SLC68A1: variants seen among roughly 807,000 people sequenced by gnomAD.
SLC68A1 encodes the protein major facilitator superfamily domain containing 13A.
chr10:102,472,350 CCTCCTGGGTTCAAATGATT>C, the SLC68A1 span: 2 of 261,022 alleles, frequency 7.7e-6, no homozygotes, highest in South Asian at 7.4e-5. Context: ...GCAACCTCTG[CCTCCTGGGTTCAAATGATT>C]CTCCCACCTC....
chr10:102,475,784 C>T, the SLC68A1 span: 7 of 1,613,728 alleles, frequency 4.3e-6, no homozygotes, highest in African/African-American at 8.0e-5. Context: ...CTGGCCAGAG[C>T]CCCCAGCTCC....
chr10:102,475,663 G>T, the SLC68A1 span: 5 of 1,525,082 alleles, frequency 3.3e-6, no homozygotes, highest in Non-Finnish European at 4.4e-6. Flanking sequence ...GACTTGGAGG[G>T]CACCAAGGCT....
At chr10:102,470,936 C>G in the SLC68A1 span, 1 of 1,613,468 alleles carries the variant, frequency 6.2e-7, no homozygotes, top group East Asian at 2.2e-5. Flanking sequence ...GGCCGGCTCC[C>G]TCTCTGTCTT....
At chr10:102,476,090 T>G in the SLC68A1 span, 7 of 1,296,112 alleles carry the variant, frequency 5.4e-6, no homozygotes, top group Admixed American at 1.9e-4. Flanking sequence ...TTTTTTTTTT[T>G]TTTGGAGCTG....
At chr10:102,473,893 T>G in the SLC68A1 span, 1 of 1,614,164 alleles carries the variant, frequency 6.2e-7, no homozygotes, top group Non-Finnish European at 8.5e-7. Flanking sequence ...GAGGACCTGG[T>G]GCTGAACCAC....
chr10:102,469,555 T>G, the SLC68A1 span, among the ~76,000 whole-genome samples: 4 of 151,404 alleles, frequency 2.6e-5, 1 homozygote, highest in African/African-American at 9.7e-5. Context: ...TTTTTTTGTT[T>G]TTTTTTTTGA....
At chr10:102,473,838 G>A in the SLC68A1 span, 1 of 1,612,316 alleles carries the variant, frequency 6.2e-7, no homozygotes, top group Non-Finnish European at 8.5e-7. Flanking sequence ...CTTCACTGAG[G>A]GCACCTGTAA....
At chr10:102,471,391 G>A in the SLC68A1 span, 9 of 1,611,978 alleles carry the variant, frequency 5.6e-6, no homozygotes, top group South Asian at 9.9e-5. Flanking sequence ...CATGGACCTG[G>A]TGCAGGTATG....
chr10:102,462,272 T>C, the SLC68A1 span, among the ~76,000 whole-genome samples: 5 of 152,180 alleles, frequency 3.3e-5, no homozygotes, highest in Admixed American at 6.5e-5. Flanking sequence ...GCACATATTA[T>C]ACCTTTCATG....
At chr10:102,475,992 G>T in the SLC68A1 span, 1 of 1,575,514 alleles carries the variant, frequency 6.3e-7, no homozygotes, top group South Asian at 1.1e-5. Flanking sequence ...TGAGAGCTGT[G>T]GCAAGGTCAC....
At chr10:102,472,277 CTT>C in the SLC68A1 span, 1 of 272,404 alleles carries the variant, frequency 3.7e-6, no homozygotes, top group Non-Finnish European at 7.2e-6. Flanking sequence ...GTTTTCTTTT[CTT>C]TTTTTTTTCT....
the SLC68A1 span, chr10:102,471,040 G>C: frequency 6.2e-7 from 1 of 1,613,698 alleles, no homozygotes; most frequent in South Asian, 1.1e-5. Flanking sequence ...GCTTTCTGGG[G>C]GCCACACAGC....
chr10:102,471,691 G>A, the SLC68A1 span, among the ~76,000 whole-genome samples: 5 of 152,004 alleles, frequency 3.3e-5, no homozygotes, highest in Non-Finnish European at 7.4e-5. Flanking sequence ...CCCGGAAGGC[G>A]GAGGTTGCAG....
the SLC68A1 span, chr10:102,476,545 C>G: frequency 2.0e-6 from 2 of 985,974 alleles, no homozygotes; most frequent in South Asian, 4.7e-5. Flanking sequence ...CTGCCTTCCT[C>G]TAGTGCAGCC....
the SLC68A1 span, chr10:102,473,439 A>G: frequency 1.1e-6 from 1 of 923,686 alleles, no homozygotes; most frequent in South Asian, 1.6e-5. Context: ...ATGAACTAAG[A>G]CAGTGAAGCT....
At chr10:102,474,247 G>C in the SLC68A1 span, among the ~76,000 whole-genome samples, 1 of 152,182 alleles carries the variant, frequency 6.6e-6, no homozygotes, top group Non-Finnish European at 1.5e-5. Flanking sequence ...CCTGCTGTGG[G>C]TGCCAGGGAG....
the SLC68A1 span, among the ~76,000 whole-genome samples, chr10:102,463,921 T>C: frequency 4.6e-5 from 7 of 151,994 alleles, no homozygotes; most frequent in Non-Finnish European, 1.0e-4. Context: ...AGAAAGGAAT[T>C]TGATGGATGG....
chr10:102,468,697 C>T, the SLC68A1 span: 1 of 229,666 alleles, frequency 4.4e-6, no homozygotes, highest in Non-Finnish European at 8.6e-6. Flanking sequence ...GAGCATCCAG[C>T]CCTGGCACGC....
At chr10:102,465,223 C>T in the SLC68A1 span, among the ~76,000 whole-genome samples, 3 of 151,866 alleles carry the variant, frequency 2.0e-5, no homozygotes, top group Admixed American at 1.3e-4. Context: ...TGCGCCACTG[C>T]ACTCCAGCCT....
Sources: gnomAD v4.1 joint callset for allele counts (sites outside exome capture counted in the v4.1 genomes callset) on GRCh38, gnomAD v4.1.1 for gene constraint, MANE v1.5 for transcripts, NCBI Gene and HGNC (gene_info 2026-07-23, HGNC 2026-07-21) for gene names.